Variants in CACNA2D1 observed in about 807,000 individuals in gnomAD.
CACNA2D1 encodes the protein calcium voltage-gated channel auxiliary subunit alpha2delta 1.
A neutral mutation model predicts 171.5 loss-of-function variants in CACNA2D1; 53 were observed. That is an observed-to-expected ratio of 0.31 (90% confidence interval 0.25 to 0.39). CACNA2D1 has a LOEUF of 0.39. CACNA2D1 is among the 10% of genes least tolerant of loss of function. The pLI, the probability that CACNA2D1 is intolerant of heterozygous loss-of-function variation, is 1.00. For synonymous variants in CACNA2D1, 442 were observed against 443.1 expected (o/e 1.00, Z 0.03); for missense variants, 903 against 1,299.8 (o/e 0.69, Z 4.69).
intron 2 of CACNA2D1, among the ~76,000 whole-genome samples, chr7:82,343,657 GTTGT>G (rs1563400210): frequency 1.3e-5 from 2 of 152,082 alleles, no homozygotes; most frequent in Non-Finnish European, 1.5e-5. Context: ...TGTTGTTGTC[GTTGT>G]TTAATTCTGG....
chr7:82,192,460 T>TTG (rs200160135), intron 3 of CACNA2D1, among the ~76,000 whole-genome samples: 255 of 136,744 alleles, frequency 1.9e-3, no homozygotes, highest in African/African-American at 4.6e-3. Flanking sequence ...GTGTTTGTGT[T>TTG]TGTGTGTGTG....
chr7:82,074,305 C>A (rs1414160959), intron 7 of CACNA2D1, among the ~76,000 whole-genome samples: 1 of 152,150 alleles, frequency 6.6e-6, no homozygotes, highest in East Asian at 1.9e-4. Context: ...AGGCTCACTG[C>A]AACCTTTTCT....
rs1174278503 is a variant in CACNA2D1, at chr7:82,137,707, TAA to T, written c.355-1033_355-1032del. Reference sequence around the variant, plus strand: ...TAATACAGTGAAACTCCGTCTCTACTAAAAAAAAAAAAAAAAAAAAAAATTAG... The same window carrying T: ...TAATACAGTGAAACTCCGTCTCTACTAAAAAAAAAAAAAAAAAAAAATTAG... On this transcript the variant is annotated intron_variant, in intron 4 of 38. Coordinates refer to ENST00000356860, the MANE Select transcript of CACNA2D1 (RefSeq NM_000722.4). 3.0e-4 allele frequency among the ~76,000 whole-genome samples: 24 copies of T among 78,828 alleles called. 1 individual carries two copies. Among genetic ancestry groups the T allele is most frequent in the African/African-American group, 4.3e-4 (8 of 18,758 alleles). The allele number at this position is 78,828 out of a possible 152,430, so 51.7% of individuals were successfully genotyped here.
chr7:82,318,632 T>A (rs73164281), intron 3 of CACNA2D1, among the ~76,000 whole-genome samples: 12,561 of 152,238 alleles, frequency 0.083, 635 homozygotes, highest in African/African-American at 0.13. Context: ...TCCTTTTACA[T>A]AAATTGTAAC....
intron 3 of CACNA2D1, among the ~76,000 whole-genome samples, chr7:82,244,227 T>G (rs575887147): frequency 5.9e-5 from 9 of 152,130 alleles, no homozygotes; most frequent in African/African-American, 2.2e-4. Flanking sequence ...ACTTCATATG[T>G]AGCTTCATTT....
At chr7:82,294,531 A>C (rs1812035434) in intron 3 of CACNA2D1, among the ~76,000 whole-genome samples, 1 of 152,166 alleles carries the variant, frequency 6.6e-6, no homozygotes, top group Admixed American at 6.5e-5. Context: ...GGAAGGAAAA[A>C]TAAATTTCAC....
chr7:82,055,122 C>T (rs747320004), intron 10 of CACNA2D1, among the ~76,000 whole-genome samples: 1 of 152,138 alleles, frequency 6.6e-6, no homozygotes, highest in African/African-American at 2.4e-5. Context: ...CATTCACAAC[C>T]TTGGCAGCTT....
intron 3 of CACNA2D1, among the ~76,000 whole-genome samples, chr7:82,323,868 A>C (rs1585495176): frequency 6.6e-6 from 1 of 151,988 alleles, no homozygotes; most frequent in African/African-American, 2.4e-5. Flanking sequence ...TGTTGCCCCA[A>C]CCCTTTCCTT....
rs1428346724 is a variant in CACNA2D1, at chr7:82,005,609, T to C, written c.1516-112A>G. 5.8e-6 allele frequency: 5 copies of C among 858,352 alleles called. 1 individual carries two copies. The Admixed American group carries it at 1.1e-4, about 18-fold the overall frequency. 53.2% of individuals were successfully genotyped at this position (858,352 alleles called of 1,614,324 possible). A position where few individuals can be genotyped will look rare whatever the true frequency, so the allele number is the denominator to read the frequency against. ...ACACATTGTATAGCATGTTGAAAGA[T>C]AACATGGAATCATTTTATTTTAGAG... On this transcript the variant is annotated intron_variant, in intron 17 of 38. Transcript: ENST00000356860.
In CACNA2D1 at chr7:81,970,749, G is replaced by T. The variant is rs746501265; in HGVS notation, c.2142-12C>A. ...CTTTCACTCCCTTGCTGAAACAGAA[G>T]ACAAAACAAGGAAATGTTCTATTGA... On this transcript the variant is annotated splice_polypyrimidine_tract_variant and intron_variant, in intron 26 of 38. Transcript: ENST00000356860. The T allele has an allele frequency of 6.6e-7, 1 of 1,526,234 alleles. No individual in the cohort carries two copies. The highest frequency in any genetic ancestry group is 2.3e-5 in the East Asian group (1 of 44,298). 94.5% of individuals were successfully genotyped at this position (1,526,234 alleles called of 1,614,324 possible).
intron 12 of CACNA2D1, among the ~76,000 whole-genome samples, chr7:82,019,294 T>A (rs968090066): frequency 9.9e-5 from 15 of 152,224 alleles, no homozygotes; most frequent in African/African-American, 3.6e-4. Flanking sequence ...CACTTCAGCC[T>A]GGTGATGGAG....
At chr7:82,148,595 A>G (rs1383266221) in intron 4 of CACNA2D1, among the ~76,000 whole-genome samples, 3 of 152,176 alleles carry the variant, frequency 2.0e-5, no homozygotes. Context: ...TTTGCCAGAG[A>G]AAACTCCCCA....
intron 1 of CACNA2D1, among the ~76,000 whole-genome samples, chr7:82,431,899 A>G (rs906281604): frequency 5.3e-5 from 8 of 151,626 alleles, no homozygotes; most frequent in Admixed American, 1.3e-4. Flanking sequence ...TTAGCCGGGC[A>G]TGGTGGCACG....
At chr7:82,239,443 T>C in intron 3 of CACNA2D1, among the ~76,000 whole-genome samples, 1 of 152,132 alleles carries the variant, frequency 6.6e-6, no homozygotes, top group Non-Finnish European at 1.5e-5. Flanking sequence ...CCCACCGCTA[T>C]AGTAATGCTT....
intron 3 of CACNA2D1, among the ~76,000 whole-genome samples, chr7:82,247,787 C>T (rs1318901178): frequency 1.3e-5 from 2 of 152,124 alleles, no homozygotes; most frequent in Non-Finnish European, 2.9e-5. Flanking sequence ...ATTCACTATT[C>T]AGTAAACCCA....
At chr7:82,116,954 A>G (rs1789117321) in intron 6 of CACNA2D1, 90 bp downstream of exon 6, 3 of 1,370,866 alleles carry the variant, frequency 2.2e-6, no homozygotes, top group Non-Finnish European at 3.1e-6. Flanking sequence ...ACAATGTCAC[A>G]TTTGCTCTTT....
At chr7:82,411,895 T>TCACA (rs5885295) in intron 1 of CACNA2D1, among the ~76,000 whole-genome samples, 25,559 of 144,708 alleles carry the variant, frequency 0.18, 2,589 homozygotes, top group East Asian at 0.44. Flanking sequence ...AAACTAAATC[T>TCACA]CACACACACA....
intron 6 of CACNA2D1, among the ~76,000 whole-genome samples, chr7:82,113,071 T>C (rs1371474784): frequency 6.6e-6 from 1 of 152,096 alleles, no homozygotes; most frequent in Non-Finnish European, 1.5e-5. Context: ...AAAACGTAAA[T>C]AATAATTGCC....
At chr7:82,224,273 T>C (rs1159322481) in intron 3 of CACNA2D1, among the ~76,000 whole-genome samples, 1 of 152,144 alleles carries the variant, frequency 6.6e-6, no homozygotes, top group African/African-American at 2.4e-5. Context: ...TTTTTCTTTA[T>C]CAGAAACTTA....
Sources: allele counts gnomAD v4.1 joint callset (sites outside exome capture counted in the v4.1 genomes callset), GRCh38; gene constraint gnomAD v4.1.1; transcripts MANE v1.5; gene names NCBI Gene and HGNC (gene_info 2026-07-23, HGNC 2026-07-21).